The following CSMD1 variants were observed in gnomAD, a reference collection of about 807,000 sequenced individuals.
CSMD1 encodes CUB and sushi domain-containing protein 1.
CSMD1 carries 213 observed loss-of-function variants against 417.5 expected under a neutral mutation model. The observed-to-expected ratio is 0.51, with a 90% CI of 0.46 to 0.57. The LOEUF (loss-of-function observed/expected upper bound fraction) is 0.57. CSMD1 is among the 20% of genes least tolerant of loss of function. CSMD1 has a pLI of 0.00. For missense variants in CSMD1, 6,923 were observed against 4,529.7 expected (o/e 1.53, Z -15.17); for synonymous variants, 2,862 against 1,736.8 (o/e 1.65, Z -16.11).
chr8:4,710,118 C>A (rs973471026), intron 1 of CSMD1, among the ~76,000 whole-genome samples: 1 of 152,018 alleles, frequency 6.6e-6, no homozygotes, highest in Non-Finnish European at 1.5e-5. Flanking sequence ...TTCTGATAAC[C>A]TTCGCCTGGA....
At chr8:4,015,044 C>T (rs1210817505) in intron 4 of CSMD1, among the ~76,000 whole-genome samples, 1 of 152,096 alleles carries the variant, frequency 6.6e-6, no homozygotes, top group South Asian at 2.1e-4. Context: ...TTTTTTTGAA[C>T]AGTTTTAATT....
chr8:4,977,080 T>G (rs190722132), intron 1 of CSMD1, among the ~76,000 whole-genome samples: 20 of 152,216 alleles, frequency 1.3e-4, no homozygotes, highest in East Asian at 5.8e-4. Context: ...AACAGTTATA[T>G]TGGCGTTTCT....
chr8:2,951,986 G>T (rs894252309), intron 65 of CSMD1, among the ~76,000 whole-genome samples: 5 of 152,046 alleles, frequency 3.3e-5, no homozygotes, highest in African/African-American at 1.2e-4. Flanking sequence ...AGAATCCATC[G>T]ACAGGAAAAC....
intron 3 of CSMD1, among the ~76,000 whole-genome samples, chr8:4,115,714 T>C (rs181400171): frequency 2.6e-5 from 4 of 152,092 alleles, no homozygotes; most frequent in Non-Finnish European, 5.9e-5. Flanking sequence ...GTGAATAAAC[T>C]GTGGGACATC....
chr8:3,922,683 C>A (rs776679050), intron 5 of CSMD1, among the ~76,000 whole-genome samples: 24 of 152,066 alleles, frequency 1.6e-4, no homozygotes, highest in Non-Finnish European at 2.2e-4. Flanking sequence ...TCATCCAAAT[C>A]TGTATTTTAT....
At chr8:3,893,099 C>G (rs1018384320) in intron 5 of CSMD1, among the ~76,000 whole-genome samples, 24 of 151,686 alleles carry the variant, frequency 1.6e-4, no homozygotes, top group Admixed American at 6.6e-5. Flanking sequence ...TTTCTATTAT[C>G]TCTGCAAAAA....
At chr8:3,237,147 T>C (rs1465505061) in intron 26 of CSMD1, among the ~76,000 whole-genome samples, 2 of 151,604 alleles carry the variant, frequency 1.3e-5, no homozygotes, top group Non-Finnish European at 2.9e-5. Flanking sequence ...TTTTTGCAAC[T>C]AGATAAGAGA....
At chr8:4,754,838 G>C (rs1028818625) in intron 1 of CSMD1, among the ~76,000 whole-genome samples, 12 of 150,196 alleles carry the variant, frequency 8.0e-5, no homozygotes, top group African/African-American at 2.5e-4. Flanking sequence ...GACGGAGCAA[G>C]ACTTAAAAAA....
intron 1 of CSMD1, among the ~76,000 whole-genome samples, chr8:4,971,241 T>C (rs1810219612): frequency 6.6e-6 from 1 of 152,096 alleles, no homozygotes; most frequent in African/African-American, 2.4e-5. Flanking sequence ...GTTGATAAAG[T>C]GGTTAAAAAT....
intron 2 of CSMD1, among the ~76,000 whole-genome samples, chr8:4,531,809 T>G (rs1563261874): frequency 6.6e-6 from 1 of 152,234 alleles, no homozygotes; most frequent in Non-Finnish European, 1.5e-5. Context: ...GCCACCATCA[T>G]AATCCCTTTT....
At chr8:3,987,423 G>C (rs2627385) in intron 5 of CSMD1, among the ~76,000 whole-genome samples, 3 of 152,044 alleles carry the variant, frequency 2.0e-5, no homozygotes, top group African/African-American at 7.2e-5. Flanking sequence ...GTCTGTCTCC[G>C]TTCCTGGTAC....
intron 15 of CSMD1, among the ~76,000 whole-genome samples, chr8:3,404,602 T>C (rs1812236480): frequency 6.6e-6 from 1 of 152,186 alleles, no homozygotes; most frequent in Admixed American, 6.5e-5. Flanking sequence ...TATATTCCTG[T>C]TCTATTCACT....
chr8:4,693,340 G>A (rs1167599351), intron 1 of CSMD1, among the ~76,000 whole-genome samples: 1 of 152,214 alleles, frequency 6.6e-6, no homozygotes, highest in African/African-American at 2.4e-5. Flanking sequence ...ATACAGGGAT[G>A]CATGGTGCAT....
chr8:3,161,835 C>T (rs1313768026), intron 38 of CSMD1, among the ~76,000 whole-genome samples: 1 of 152,142 alleles, frequency 6.6e-6, no homozygotes. Flanking sequence ...GATTCAATTA[C>T]TGGCTGCCAG....
In CSMD1 at chr8:3,029,303, C is replaced by G; in HGVS notation, c.7855+16G>C. The G allele has an allele frequency of 1.3e-6, 2 of 1,577,270 alleles. No individual in the cohort carries two copies. Among genetic ancestry groups the G allele is most frequent in the East Asian group, 2.3e-5 (1 of 44,238 alleles). On this transcript the variant is annotated intron_variant, in intron 51 of 69. Coordinates refer to ENST00000635120, the MANE Select transcript of CSMD1 (RefSeq NM_033225.6). ...AGGATGCCGTGACTTTCAGGGGTGC[C>G]TCCCTCATCACTTACCTCGACAGCT...
At chr8:4,590,216 ATG>A (rs1438641684) in intron 2 of CSMD1, among the ~76,000 whole-genome samples, 1 of 151,958 alleles carries the variant, frequency 6.6e-6, no homozygotes, top group African/African-American at 2.4e-5. Flanking sequence ...CATCTGTGGT[ATG>A]TGTTACAAGA....
chr8:3,556,040 C>T (rs1799126384), intron 10 of CSMD1, among the ~76,000 whole-genome samples: 2 of 152,080 alleles, frequency 1.3e-5, no homozygotes, highest in Admixed American at 1.3e-4. Context: ...AGGAATTTGA[C>T]ATTAACTTTT....
chr8:4,455,404 G>T (rs938502060), intron 2 of CSMD1, among the ~76,000 whole-genome samples: 3 of 152,234 alleles, frequency 2.0e-5, no homozygotes, highest in Non-Finnish European at 4.4e-5. Flanking sequence ...ATACACAGCT[G>T]TCATGTGTAT....
intron 3 of CSMD1, among the ~76,000 whole-genome samples, chr8:4,149,235 A>G (rs1033734096): frequency 4.6e-5 from 7 of 152,178 alleles, no homozygotes; most frequent in South Asian, 2.1e-4. Flanking sequence ...AACTGCTGAG[A>G]TAACAGGCAT....
Sources: allele counts gnomAD v4.1 joint callset (sites outside exome capture counted in the v4.1 genomes callset), GRCh38; gene constraint gnomAD v4.1.1; transcripts MANE v1.5; gene names NCBI Gene and HGNC (gene_info 2026-07-23, HGNC 2026-07-21).